Variants in AP3S2 observed in about 807,000 individuals in gnomAD.
AP3S2 encodes the protein AP-3 complex subunit sigma-2.
In AP3S2, 22 loss-of-function variants were observed where a neutral mutation model predicts 23.4. The ratio of observed to expected loss-of-function variants is 0.94; its 90% confidence interval spans 0.67 to 1.34. The LOEUF (loss-of-function observed/expected upper bound fraction) is 1.34. Ranked by LOEUF, AP3S2 falls within the 40% of genes most tolerant of loss-of-function variation. The pLI is 0.00. For missense variants in AP3S2, 241 were observed against 236.9 expected (o/e 1.02, Z -0.11); for synonymous variants, 86 against 87.1 (o/e 0.99, Z 0.07).
At chr15:89,887,066 G>A (rs893210272) in intron 3 of AP3S2, among the ~76,000 whole-genome samples, 1 of 152,138 alleles carries the variant, frequency 6.6e-6, no homozygotes. Context: ...AAAGTGCTGG[G>A]ATTACAGGTG....
At chr15:89,877,496 C>T (rs1342232252) in intron 3 of AP3S2, 29 of 797,634 alleles carry the variant, frequency 3.6e-5, no homozygotes, top group East Asian at 1.3e-4. Context: ...CAGTAGCATT[C>T]GATAACGTTC....
In AP3S2 at chr15:89,849,614, A is replaced by G. The variant is rs551930342; in HGVS notation, c.346-11892T>C. On this transcript the variant is annotated intron_variant, in intron 4 of 5. Coordinates refer to ENST00000336418, the MANE Select transcript of AP3S2 (RefSeq NM_005829.5). The stretch of plus-strand genomic sequence containing the variant: ...GATCTCCTGACCTAGTGATCTGCCC[A>G]CCTTGGCCTCCCAAAGTGCTGGGAT... Among the ~76,000 whole-genome samples the G allele has an allele frequency of 2.9e-4, 44 of 152,094 alleles. No individual in the cohort carries two copies. In the East Asian group the frequency reaches 7.2e-3, roughly 25 times the overall value.
chr15:89,890,784 G>T (rs1006285563), intron 1 of AP3S2, among the ~76,000 whole-genome samples: 1 of 152,152 alleles, frequency 6.6e-6, no homozygotes, highest in African/African-American at 2.4e-5. Context: ...CTTTGAAATG[G>T]TTATTTAAAA....
chr15:89,872,116 C>CA (rs71151540), intron 3 of AP3S2, among the ~76,000 whole-genome samples: 80 of 128,888 alleles, frequency 6.2e-4, no homozygotes, highest in Admixed American at 3.2e-3. Context: ...GAGAGTCTCT[C>CA]AAAAAAAAAA....
chr15:89,835,573 C>T lies in AP3S2; in HGVS notation c.524G>A (p.Arg175Gln), dbSNP rs762019335. 20 of 1,613,724 alleles carry T rather than the reference C, an allele frequency of 1.2e-5. No homozygotes were observed. The highest frequency in any genetic ancestry group is 6.7e-5 in the East Asian group (3 of 44,874). Residue 175 changes from arginine (R) to glutamine (Q), a missense_variant, in exon 6 of 6, where the codon CGG (arginine) becomes CAG (glutamine). Coordinates refer to ENST00000336418, the MANE Select transcript of AP3S2 (RefSeq NM_005829.5). ...VKNINLPEIP[R>Q]NINIGDLNIK... is the part of the protein sequence containing the mutation. The stretch of plus-strand genomic sequence containing the variant: ...GTTGAGATCGCCAATGTTGATGTTC[C>T]GAGGAATCTCTGGCAGGTTGATGTT...
At chr15:89,861,992 T>G (rs895660024) in intron 4 of AP3S2, among the ~76,000 whole-genome samples, 11 of 151,936 alleles carry the variant, frequency 7.2e-5, no homozygotes, top group Admixed American at 6.6e-5. Flanking sequence ...TAAGTAGGAG[T>G]GGTCCACTGT....
At position 89,833,129 on chromosome 15, in the gene AP3S2, T is replaced by G. The variant is rs1057016864; in HGVS notation, c.*2386A>C. 1 of 152,188 alleles carries G rather than the reference T, an allele frequency of 6.6e-6. No homozygotes were observed. Among genetic ancestry groups the G allele is most frequent in the Non-Finnish European group, 1.5e-5 (1 of 68,044 alleles). 9.4% of individuals were successfully genotyped at this position (152,188 alleles called of 1,614,324 possible). On this transcript the variant is annotated 3_prime_UTR_variant, in exon 6 of 6. Coordinates refer to ENST00000336418, the MANE Select transcript of AP3S2 (RefSeq NM_005829.5). Reference sequence around the variant, plus strand: ...GCATTAAACCACGTAACAAACGAACTCAAGAAGAGGGATGTGGCTCTGGAT... The same window carrying G: ...GCATTAAACCACGTAACAAACGAACGCAAGAAGAGGGATGTGGCTCTGGAT...
At chr15:89,871,362 T>TA in intron 4 of AP3S2, 113 bp downstream of exon 4, 1 of 996,048 alleles carries the variant, frequency 1.0e-6, no homozygotes, top group South Asian at 1.8e-5. Flanking sequence ...AGGACTATCT[T>TA]AAGAGTAAAA....
At chr15:89,839,950 C>T (rs1172952425) in intron 4 of AP3S2, among the ~76,000 whole-genome samples, 1 of 151,678 alleles carries the variant, frequency 6.6e-6, no homozygotes, top group Non-Finnish European at 1.5e-5. Context: ...AGTGAAACAA[C>T]CCACACACAA....
At chr15:89,856,419 G>A (rs1278963656) in intron 4 of AP3S2, among the ~76,000 whole-genome samples, 4 of 151,934 alleles carry the variant, frequency 2.6e-5, no homozygotes, top group Admixed American at 2.6e-4. Flanking sequence ...CAAAAATTAG[G>A]GCTGGGCGTG....
At chr15:89,868,949 G>A (rs1231743444) in intron 4 of AP3S2, among the ~76,000 whole-genome samples, 2 of 143,810 alleles carry the variant, frequency 1.4e-5, no homozygotes, top group Non-Finnish European at 3.0e-5. Flanking sequence ...AGGGAGGTGG[G>A]GGGGTCAGCC....
Position 89,834,521 on chromosome 15 carries a change from C to G in AP3S2, c.*994G>C, listed in dbSNP as rs1895144962. The G allele has an allele frequency of 6.6e-6, 1 of 152,236 alleles. No homozygotes were observed. The highest frequency in any genetic ancestry group is 2.4e-5 in the African/African-American group (1 of 41,448). The allele number at this position is 152,236 out of a possible 1,614,324, so 9.4% of individuals were successfully genotyped here. On this transcript the variant is annotated 3_prime_UTR_variant, in exon 6 of 6. Transcript: ENST00000336418. Reference sequence around the variant, plus strand: ...GATTTGGATTGTGTCCTGCACATAACACCTGTGAGAATACAACTGGGACTA... The same window carrying G: ...GATTTGGATTGTGTCCTGCACATAAGACCTGTGAGAATACAACTGGGACTA...
intron 4 of AP3S2, among the ~76,000 whole-genome samples, chr15:89,841,380 T>C (rs1185843765): frequency 3.3e-5 from 5 of 152,180 alleles, no homozygotes; most frequent in Admixed American, 6.5e-5. Context: ...AGGGACTCCT[T>C]TGCTTCACAG....
intron 3 of AP3S2, among the ~76,000 whole-genome samples, chr15:89,884,196 T>C (rs184289735): frequency 1.3e-5 from 2 of 152,310 alleles, no homozygotes; most frequent in East Asian, 3.9e-4. Context: ...TTAATATAAT[T>C]TGTATAATCG....
At chr15:89,880,318 T>C (rs1364247612) in intron 3 of AP3S2, among the ~76,000 whole-genome samples, 1 of 152,126 alleles carries the variant, frequency 6.6e-6, no homozygotes, top group Non-Finnish European at 1.5e-5. Flanking sequence ...CAAATAGTTA[T>C]AAATATCAGA....
At chr15:89,880,099 C>G (rs1045936388) in intron 3 of AP3S2, among the ~76,000 whole-genome samples, 3 of 151,162 alleles carry the variant, frequency 2.0e-5, no homozygotes, top group African/African-American at 7.3e-5. Flanking sequence ...AAGCCAGGAT[C>G]TAGACTTCAC....
At chr15:89,862,831 G>C (rs754635716) in intron 4 of AP3S2, among the ~76,000 whole-genome samples, 1 of 152,100 alleles carries the variant, frequency 6.6e-6, no homozygotes, top group Non-Finnish European at 1.5e-5. Flanking sequence ...AATAGGACTC[G>C]AGCCATACAT....
At chr15:89,874,615 A>G (rs927414205) in intron 3 of AP3S2, among the ~76,000 whole-genome samples, 5 of 152,058 alleles carry the variant, frequency 3.3e-5, no homozygotes, top group African/African-American at 1.2e-4. Context: ...TCTCCACAAA[A>G]AAATAAAAAT....
chr15:89,873,463 T>C (rs1215524495), intron 3 of AP3S2, among the ~76,000 whole-genome samples: 1 of 152,142 alleles, frequency 6.6e-6, no homozygotes, highest in Non-Finnish European at 1.5e-5. Flanking sequence ...TTTTGTATTT[T>C]TAGTAGAGAC....
Sources: allele counts gnomAD v4.1 joint callset (sites outside exome capture counted in the v4.1 genomes callset), GRCh38; gene constraint gnomAD v4.1.1; transcripts MANE v1.5; gene names NCBI Gene and HGNC (gene_info 2026-07-23, HGNC 2026-07-21).